Variants in PARD3 observed in about 807,000 individuals in gnomAD.
PARD3 encodes the protein par-3 family cell polarity regulator, also known as partitioning defective 3 homolog.
A neutral mutation model predicts 155.4 loss-of-function variants in PARD3; 75 were observed. That is an observed-to-expected ratio of 0.48 (90% confidence interval 0.40 to 0.58). The LOEUF is 0.58. PARD3 is among the 20% of genes least tolerant of loss of function. The pLI, the probability that PARD3 is intolerant of heterozygous loss-of-function variation, is 0.00. For missense variants in PARD3, 1,642 were observed against 1,721.7 expected, an observed-to-expected ratio of 0.95 and a Z score of 0.82; for synonymous variants, 576 against 610.5, an observed-to-expected ratio of 0.94 and a Z score of 0.83.
intron 5 of PARD3, among the ~76,000 whole-genome samples, chr10:34,431,081 G>T (rs963600764): frequency 6.6e-6 from 1 of 152,154 alleles, no homozygotes; most frequent in Admixed American, 6.5e-5. Context: ...TTTTAGCCCA[G>T]GTTGAGGCCT....
At position 34,405,079 on chromosome 10, in the gene PARD3, A is replaced by ACAC. The variant is rs1844309207; in HGVS notation, c.715-3163_715-3162insGTG. Among the ~76,000 whole-genome samples, 586 of 59,436 alleles carry ACAC rather than the reference A, an allele frequency of 9.9e-3. 9 individuals are homozygous for ACAC. The highest frequency in any genetic ancestry group is 0.059 in the African/African-American group (558 of 9,412). The allele number at this position is 59,436 out of a possible 152,430, so 39.0% of individuals were successfully genotyped here. A position where few individuals can be genotyped will look rare whatever the true frequency, so the allele number is the denominator to read the frequency against. ...AGAGTGAGACCCCATCACAAACACAAACACACACACACACACACACACACA... is the reference window on the plus strand; with the variant it reads ...AGAGTGAGACCCCATCACAAACACAACACACACACACACACACACACACACACA... On this transcript the variant is annotated intron_variant, in intron 5 of 24. Transcript: ENST00000374788.
intron 2 of PARD3, among the ~76,000 whole-genome samples, chr10:34,668,100 C>T (rs973517889): frequency 1.3e-5 from 2 of 152,100 alleles, no homozygotes; most frequent in African/African-American, 4.8e-5. Flanking sequence ...GTAACTACCA[C>T]GGGTTCGTAA....
chr10:34,393,294 T>A (rs1218932954), intron 7 of PARD3, among the ~76,000 whole-genome samples: 1 of 151,856 alleles, frequency 6.6e-6, no homozygotes, highest in Non-Finnish European at 1.5e-5. Context: ...ATAGAAAAGA[T>A]CCAGGCCAGG....
chr10:34,512,354 G>A (rs2081450467), intron 3 of PARD3, among the ~76,000 whole-genome samples: 3 of 152,120 alleles, frequency 2.0e-5, no homozygotes, highest in Admixed American at 1.3e-4. Context: ...ATACACTCAT[G>A]CATGTATTGC....
intron 2 of PARD3, among the ~76,000 whole-genome samples, chr10:34,613,811 A>G (rs1392402395): frequency 2.6e-5 from 4 of 152,232 alleles, no homozygotes; most frequent in Non-Finnish European, 5.9e-5. Flanking sequence ...ACTAGGGTGA[A>G]TGTGGAGAAA....
intron 22 of PARD3, among the ~76,000 whole-genome samples, chr10:34,209,243 C>T (rs544048743): frequency 6.6e-6 from 1 of 152,278 alleles, no homozygotes; most frequent in East Asian, 1.9e-4. Flanking sequence ...GAGAAACAAA[C>T]TTCATTTCAC....
chr10:34,429,349 A>C (rs965760255), intron 5 of PARD3, among the ~76,000 whole-genome samples: 10 of 151,850 alleles, frequency 6.6e-5, no homozygotes, highest in Non-Finnish European at 1.3e-4. Context: ...GCAAAACTTA[A>C]CCTAGATGAG....
At chr10:34,749,187 T>C (rs1835682868) in intron 1 of PARD3, among the ~76,000 whole-genome samples, 1 of 152,250 alleles carries the variant, frequency 6.6e-6, no homozygotes, top group African/African-American at 2.4e-5. Flanking sequence ...CATGTTCTTA[T>C]GGTAGACCAT....
intron 3 of PARD3, among the ~76,000 whole-genome samples, chr10:34,494,977 T>G (rs778963244): frequency 6.6e-6 from 1 of 152,082 alleles, no homozygotes; most frequent in Admixed American, 6.5e-5. Context: ...CATTCCACAC[T>G]AGGAAAAACC....
chr10:34,178,081 T>C (rs925789370), intron 22 of PARD3, among the ~76,000 whole-genome samples: 1 of 152,186 alleles, frequency 6.6e-6, no homozygotes, highest in Non-Finnish European at 1.5e-5. Flanking sequence ...ACAGGAAAGG[T>C]TTATGTTTGA....
intron 22 of PARD3, among the ~76,000 whole-genome samples, chr10:34,183,713 A>G (rs1950364359): frequency 6.6e-6 from 1 of 152,188 alleles, no homozygotes; most frequent in South Asian, 2.1e-4. Context: ...CAGCATCCCA[A>G]TATAAGCAAC....
intron 4 of PARD3, among the ~76,000 whole-genome samples, chr10:34,455,502 A>AT (rs563843966): frequency 4.6e-5 from 7 of 151,688 alleles, no homozygotes; most frequent in Admixed American, 6.6e-5. Flanking sequence ...GCTTAGAATG[A>AT]TTTTTTTTGA....
intron 23 of PARD3, among the ~76,000 whole-genome samples, chr10:34,126,818 G>GAAAAAAAA (rs550942430): frequency 1.4e-5 from 1 of 73,382 alleles, no homozygotes; most frequent in African/African-American, 4.7e-5. Flanking sequence ...TCTTGAAAAT[G>GAAAAAAAA]AAAAAAAAAA....
At chr10:34,188,852 T>C (rs73268932) in intron 22 of PARD3, among the ~76,000 whole-genome samples, 17 of 151,794 alleles carry the variant, frequency 1.1e-4, no homozygotes, top group African/African-American at 3.9e-4. Context: ...AAGAAACAAA[T>C]CTGACCACAG....
intron 22 of PARD3, among the ~76,000 whole-genome samples, chr10:34,134,784 G>A (rs980894612): frequency 2.6e-5 from 4 of 152,212 alleles, no homozygotes; most frequent in African/African-American, 7.2e-5. Context: ...CTGGAAGACC[G>A]TCAAGCCCCC....
chr10:34,646,234 T>C (rs1046431379), intron 2 of PARD3, among the ~76,000 whole-genome samples: 2 of 152,226 alleles, frequency 1.3e-5, no homozygotes, highest in African/African-American at 4.8e-5. Flanking sequence ...AAGCATTTTT[T>C]TGTAATCGTG....
At position 34,651,116 on chromosome 10, in the gene PARD3, G is replaced by A. The variant is rs559769993; in HGVS notation, c.222+45202C>T. On this transcript the variant is annotated intron_variant, in intron 2 of 24. Transcript: ENST00000374788. ...GGTGGCGAAGGAATCACAGCCGCCCGCACAAGGCTGAGTGTGTGAGGAATT... is the reference window on the plus strand; with the variant it reads ...GGTGGCGAAGGAATCACAGCCGCCCACACAAGGCTGAGTGTGTGAGGAATT... Among the ~76,000 whole-genome samples the A allele has an allele frequency of 1.2e-4, 17 of 143,334 alleles. No individual in the cohort carries two copies. In the South Asian group the frequency reaches 3.0e-3, roughly 25 times the overall value. The allele number at this position is 143,334 out of a possible 152,430, so 94.0% of individuals were successfully genotyped here.
intron 22 of PARD3, among the ~76,000 whole-genome samples, chr10:34,250,092 T>C (rs1228593675): frequency 2.0e-5 from 3 of 151,752 alleles, no homozygotes; most frequent in Admixed American, 1.3e-4. Flanking sequence ...TTGGAACATA[T>C]GAAATAGAAA....
chr10:34,493,713 C>T (rs1392268759), intron 3 of PARD3, among the ~76,000 whole-genome samples: 2 of 144,492 alleles, frequency 1.4e-5, no homozygotes, highest in Non-Finnish European at 3.0e-5. Context: ...ACCTGGGCGA[C>T]AAAAGCGAAA....
Sources: allele counts gnomAD v4.1 joint callset (sites outside exome capture counted in the v4.1 genomes callset), GRCh38; gene constraint gnomAD v4.1.1; transcripts MANE v1.5; gene names NCBI Gene and HGNC (gene_info 2026-07-23, HGNC 2026-07-21).